SMARCC2: variants seen among roughly 807,000 people sequenced by gnomAD.
SMARCC2 encodes the protein SWI/SNF related BAF chromatin remodeling complex subunit C2.
Under a neutral mutation model 151.3 loss-of-function variants are expected in SMARCC2, and 15 were observed. The ratio of observed to expected loss-of-function variants is 0.10; its 90% CI spans 0.07 to 0.15. The LOEUF (loss-of-function observed/expected upper bound fraction) is 0.15, where lower values mean the gene tolerates loss of function less well. SMARCC2 is among the 10% of genes least tolerant of loss of function. The pLI, the probability that SMARCC2 is intolerant of heterozygous loss-of-function variation, is 1.00. For missense variants in SMARCC2, 1,031 were observed against 1,599.7 expected (o/e 0.64, Z 6.06); for synonymous variants, 590 against 609.5 (o/e 0.97, Z 0.47).
intron 15 of SMARCC2, among the ~76,000 whole-genome samples, chr12:56,175,850 T>C (rs1398699584): frequency 6.6e-6 from 1 of 152,124 alleles, no homozygotes; most frequent in African/African-American, 2.4e-5. Context: ...CAGGCAATTA[T>C]CATCATTTAC....
In SMARCC2 at chr12:56,165,634, A is replaced by G. The variant is rs1872643694; in HGVS notation, c.2916T>C (p.Tyr972=). ...GCTGCTGCCGAGCCCTCATCTCCGCATACTTCAGCTGCTCCATGTGGAAGG... is the reference window on the plus strand; with the variant it reads ...GCTGCTGCCGAGCCCTCATCTCCGCGTACTTCAGCTGCTCCATGTGGAAGG... ...RQAFHMEQLK[Y]AEMRARQQHF... Residue 972 remains tyrosine, a synonymous_variant, in exon 27 of 29, where the codon TAT becomes TAC. Coordinates refer to ENST00000550164, the MANE Select transcript of SMARCC2 (RefSeq NM_001330288.2). The G allele has an allele frequency of 4.3e-6, 7 of 1,613,528 alleles. No homozygotes were observed. The East Asian group carries it at 6.7e-5, about 15-fold the overall frequency.
chr12:56,174,025 T>C (rs1874466393), intron 16 of SMARCC2, among the ~76,000 whole-genome samples, 176 bp from the exon 17 acceptor site: 1 of 151,678 alleles, frequency 6.6e-6, no homozygotes, highest in Non-Finnish European at 1.5e-5. Flanking sequence ...ATTTATCACC[T>C]AAATGCCAGT....
Position 56,165,632 on chromosome 12 carries a change from G to A in SMARCC2, c.2918C>T (p.Ala973Val), listed in dbSNP as rs1485502357. 6.8e-6 allele frequency: 11 copies of A among 1,613,288 alleles called. No individual in the cohort carries two copies. The part of the protein sequence containing the change: ...QAFHMEQLKY[A>V]EMRARQQHFQ... The stretch of plus-strand genomic sequence containing the variant: ...GTGCTGCTGCCGAGCCCTCATCTCC[G>A]CATACTTCAGCTGCTCCATGTGGAA... Residue 973 changes from alanine to valine, a missense_variant, in exon 27 of 29, where the codon GCG becomes GTG. Physicochemically the swap from Ala to Val is moderately conservative, Grantham distance 64 (BLOSUM62 0). This residue lies in a region of SMARCC2 where 49 missense variants were observed against 134.8 expected (regional missense o/e 0.36). Transcript: ENST00000550164.
intron 27 of SMARCC2, 81 bp from the exon 28 acceptor site, chr12:56,164,812 C>T (rs566733671): frequency 7.7e-6 from 9 of 1,173,310 alleles, no homozygotes; most frequent in East Asian, 2.6e-5. Context: ...TTTTTTTAGA[C>T]GGAGTCTCAC....
At chr12:56,173,110 T>G in intron 17 of SMARCC2, 81 bp from the exon 18 acceptor site, 2 of 1,273,992 alleles carry the variant, frequency 1.6e-6, no homozygotes, top group Non-Finnish European at 2.3e-6. Context: ...GACCATATGC[T>G]GGGCGGCCCA....
chr12:56,173,688 C>T lies in SMARCC2; in HGVS notation c.1650+8G>A, dbSNP rs1322347950. On this transcript the variant is annotated splice_region_variant and intron_variant, in intron 17 of 28. Transcript: ENST00000550164. ...AACCCGCCCCATCCCCATAGCACCTCACCCTACCTGAGGTGTCTTGGGCTG... is the reference window on the plus strand; with the variant it reads ...AACCCGCCCCATCCCCATAGCACCTTACCCTACCTGAGGTGTCTTGGGCTG... 9.3e-6 allele frequency: 15 copies of T among 1,608,368 alleles called. No individual in the cohort carries two copies. In the African/African-American group the frequency reaches 1.9e-4, roughly 20 times the overall value.
At chr12:56,178,645 A>G (rs1236967889) in intron 13 of SMARCC2, 111 bp from the exon 14 acceptor site, 24 of 1,521,408 alleles carry the variant, frequency 1.6e-5, no homozygotes, top group Non-Finnish European at 2.2e-5. Context: ...GATGGGACTG[A>G]GCAGTCATGG....
chr12:56,189,478 C>CCCGCCG lies in SMARCC2; in HGVS notation c.-18_-17insCGGCGG. On this transcript the variant is annotated 5_prime_UTR_variant, in exon 1 of 29. Coordinates refer to ENST00000550164, the MANE Select transcript of SMARCC2 (RefSeq NM_001330288.2). Reference sequence around the variant, plus strand: ...CACCGCCATCTTCTCCGGCTCGGGCCCCGCCGCCGCCCGCCCCACTCAGCT... The same window carrying CCCGCCG: ...CACCGCCATCTTCTCCGGCTCGGGCCCCGCCGCCGCCGCCGCCCGCCCCACTCAGCT... The CCCGCCG allele has an allele frequency of 7.1e-7, 1 of 1,417,418 alleles. No individual in the cohort carries two copies. Among genetic ancestry groups the CCCGCCG allele is most frequent in the Non-Finnish European group, 9.5e-7 (1 of 1,056,138 alleles). 87.8% of individuals were successfully genotyped at this position (1,417,418 alleles called of 1,614,324 possible).
At chr12:56,174,386 A>G (rs1874537710) in intron 16 of SMARCC2, 4 of 331,094 alleles carry the variant, frequency 1.2e-5, no homozygotes, top group African/African-American at 2.1e-5. Context: ...TGTTTGGATT[A>G]TAGGCATGAG....
chr12:56,186,206 G>C lies in SMARCC2; in HGVS notation c.266C>G (p.Ser89Cys), dbSNP rs1020034940. ...KCFLDFKAGG[S>C]LCHILAAAYK... ...GGCAGCTGCAAGAATGTGGCACAAG[G>C]AGCCTCCCGCTTTGAAATCTAGGAA... Residue 89 changes from serine (S) to cysteine (C), a missense_variant, in exon 3 of 29, where the codon TCC becomes TGC. Ser to Cys is a moderately radical substitution (Grantham distance 112). Transcript: ENST00000550164. 6 of 1,613,198 alleles carry C rather than the reference G, an allele frequency of 3.7e-6. No individual in the cohort carries two copies. Among genetic ancestry groups the C allele is most frequent in the Non-Finnish European group, 5.1e-6 (6 of 1,179,140 alleles).
chr12:56,171,225 T>C lies in SMARCC2; in HGVS notation c.2347+46A>G. Reference sequence around the variant, plus strand: ...AATGGCACAGGAGGCCAGGTAGCTCTGGATCTTGTGAAAGGCAAGAAATCT... The same window carrying C: ...AATGGCACAGGAGGCCAGGTAGCTCCGGATCTTGTGAAAGGCAAGAAATCT... On this transcript the variant is annotated intron_variant, in intron 22 of 28. Coordinates refer to ENST00000550164, the MANE Select transcript of SMARCC2 (RefSeq NM_001330288.2). This position sits in a 1 kb window ranked among gnomAD's most constrained non-coding sequence, Gnocchi z 4.2. 2 of 1,603,300 alleles carry C rather than the reference T, an allele frequency of 1.2e-6. No homozygotes were observed. The highest frequency in any genetic ancestry group is 2.2e-5 in the South Asian group (2 of 90,782).
rs768466987 is a variant in SMARCC2 at position 56,171,577 on chromosome 12, A to C, written c.2185+102T>G. On this transcript the variant is annotated intron_variant, in intron 21 of 28. Transcript: ENST00000550164. This position sits in a 1 kb window ranked among gnomAD's most constrained non-coding sequence, Gnocchi z 4.2. The stretch of plus-strand genomic sequence containing the variant: ...TGCCTGAGCTGAGGCCCGCACAGAC[A>C]AGGCCAGCAGGGCAGCCAAACTTGA... 6 of 1,489,150 alleles carry C rather than the reference A, an allele frequency of 4.0e-6. No individual in the cohort carries two copies. The highest frequency in any genetic ancestry group is 5.5e-6 in the Non-Finnish European group (6 of 1,100,768). The allele number at this position is 1,489,150 out of a possible 1,614,324, so 92.2% of individuals were successfully genotyped here. A position where few individuals can be genotyped will look rare whatever the true frequency, so the allele number is the denominator to read the frequency against.
rs1014412124 is a variant in SMARCC2, at chr12:56,165,763, C to T, written c.2851-64G>A. The T allele has an allele frequency of 1.5e-5, 23 of 1,504,678 alleles. No homozygotes were observed. In the African/African-American group the frequency reaches 3.0e-4, roughly 20 times the overall value. The allele number at this position is 1,504,678 out of a possible 1,614,324, so 93.2% of individuals were successfully genotyped here. A position where few individuals can be genotyped will look rare whatever the true frequency, so the allele number is the denominator to read the frequency against. On this transcript the variant is annotated intron_variant, in intron 26 of 28. Coordinates refer to ENST00000550164, the MANE Select transcript of SMARCC2 (RefSeq NM_001330288.2). ...CAGATCCCAAAGGCAAATGCCTCAA[C>T]CCCTGCTTTGTCTTCTTCTGAAAGA...
rs764928486 is a variant in SMARCC2 at position 56,164,385 on chromosome 12, C to T, written c.3579G>A (p.Gly1193=). ...TMPSSLPLGP[G]LGSAAAQSPA... is the part of the protein sequence containing the mutation. The stretch of plus-strand genomic sequence containing the variant: ...GGCTTTGGGCTGCGGCGGATCCGAG[C>T]CCCGGCCCGAGAGGCAAGGAAGATG... Residue 1193 remains glycine, a synonymous_variant, in exon 28 of 29, where the codon GGG becomes GGA. Transcript: ENST00000550164. 3 of 1,613,790 alleles carry T rather than the reference C, an allele frequency of 1.9e-6. No homozygotes were observed. The East Asian group carries it at 6.7e-5, about 36-fold the overall frequency.
intron 25 of SMARCC2, among the ~76,000 whole-genome samples, 171 bp from the exon 26 acceptor site, chr12:56,168,365 G>GTATTTTT (rs1873239630): frequency 6.6e-6 from 1 of 151,622 alleles, no homozygotes; most frequent in Non-Finnish European, 1.5e-5. Flanking sequence ...GAGCCACCGT[G>GTATTTTT]TCTTTTTTCT....
intron 14 of SMARCC2, 53 bp from the exon 15 acceptor site, chr12:56,178,146 G>A: frequency 1.4e-6 from 2 of 1,447,950 alleles, no homozygotes; most frequent in Non-Finnish European, 1.9e-6. Flanking sequence ...AAGGGATGGG[G>A]GCCCCAAAGG....
At chr12:56,170,239 A>C in intron 22 of SMARCC2, 31 bp from the exon 23 acceptor site, 1 of 1,583,546 alleles carries the variant, frequency 6.3e-7, no homozygotes, top group East Asian at 2.2e-5. Flanking sequence ...AGAAAACAGG[A>C]AATGTTTAAT....
In SMARCC2 at chr12:56,178,797, A is replaced by C; in HGVS notation, c.1179+13T>G. Reference sequence around the variant, plus strand: ...TCACATAGAGAGGTAGGGCCTCTCTAAACTGGCTCCACCTTGCCCGTCGTC... The same window carrying C: ...TCACATAGAGAGGTAGGGCCTCTCTCAACTGGCTCCACCTTGCCCGTCGTC... On this transcript the variant is annotated intron_variant, in intron 13 of 28. Coordinates refer to ENST00000550164, the MANE Select transcript of SMARCC2 (RefSeq NM_001330288.2). The C allele has an allele frequency of 6.2e-7, 1 of 1,613,058 alleles. No homozygotes were observed. The highest frequency in any genetic ancestry group is 8.5e-7 in the Non-Finnish European group (1 of 1,179,036).
chr12:56,162,402 GAA>G lies in SMARCC2; in HGVS notation c.*1285_*1286del. The G allele has an allele frequency of 3.1e-6, 2 of 637,528 alleles. No homozygotes were observed. The highest frequency in any genetic ancestry group is 1.9e-5 in the African/African-American group (1 of 53,814). 39.5% of individuals were successfully genotyped at this position (637,528 alleles called of 1,614,324 possible). A position where few individuals can be genotyped will look rare whatever the true frequency, so the allele number is the denominator to read the frequency against. On this transcript the variant is annotated 3_prime_UTR_variant, in exon 29 of 29. Coordinates refer to ENST00000550164, the MANE Select transcript of SMARCC2 (RefSeq NM_001330288.2). Reference sequence around the variant, plus strand: ...AATTTATAAAAAAAAAAAAAAGAAAGAAAGAAAAAAAGAGAAAATTTACAGAA... The same window carrying G: ...AATTTATAAAAAAAAAAAAAAGAAAGAGAAAAAAAGAGAAAATTTACAGAA...
Sources: allele counts gnomAD v4.1 joint callset (sites outside exome capture counted in the v4.1 genomes callset), GRCh38; gene constraint gnomAD v4.1.1; regional missense constraint gnomAD v4.1.1; non-coding constraint Gnocchi (gnomAD v3.1); transcripts MANE v1.5; gene names NCBI Gene and HGNC (gene_info 2026-07-23, HGNC 2026-07-21).